ROBO1: variants seen among roughly 807,000 people sequenced by gnomAD.
The protein encoded by ROBO1 is roundabout guidance receptor 1.
A neutral mutation model predicts 195.9 loss-of-function variants in ROBO1; 149 were observed. The observed-to-expected ratio is 0.76, with a 90% CI of 0.67 to 0.87. The LOEUF is 0.87. Among genes scored for constraint, ROBO1 ranks in the 40% least tolerant of loss-of-function variants. ROBO1 has a pLI of 0.00. For synonymous variants in ROBO1, 816 were observed against 733.2 expected, an observed-to-expected ratio of 1.11 and a Z score of -1.82; for missense variants, 1,933 against 2,068.3, an observed-to-expected ratio of 0.93 and a Z score of 1.27.
chr3:79,284,075 T>C (rs1184482319), intron 2 of ROBO1, among the ~76,000 whole-genome samples: 1 of 152,026 alleles, frequency 6.6e-6, no homozygotes, highest in Non-Finnish European at 1.5e-5. Context: ...GATAGGCCTA[T>C]ATGTATATAT....
chr3:79,295,409 T>C (rs557222909), intron 2 of ROBO1, among the ~76,000 whole-genome samples: 30 of 152,018 alleles, frequency 2.0e-4, no homozygotes, highest in African/African-American at 7.0e-4. Flanking sequence ...TGATAACACA[T>C]GGACACAGGG....
chr3:79,523,268 C>T (rs531604688), intron 2 of ROBO1, among the ~76,000 whole-genome samples: 3 of 151,784 alleles, frequency 2.0e-5, no homozygotes, highest in South Asian at 4.2e-4. Context: ...CATGCATATA[C>T]TAAGATATCT....
At chr3:78,775,781 G>C (rs2083488689) in intron 4 of ROBO1, among the ~76,000 whole-genome samples, 1 of 152,160 alleles carries the variant, frequency 6.6e-6, no homozygotes, top group Non-Finnish European at 1.5e-5. Context: ...TACTGTCTGG[G>C]AACCATTTTT....
intron 1 of ROBO1, among the ~76,000 whole-genome samples, chr3:79,696,079 A>G (rs1947439582): frequency 6.6e-6 from 1 of 151,440 alleles, no homozygotes; most frequent in African/African-American, 2.4e-5. Context: ...TTTTTTGTTC[A>G]CTAAAATGTT....
chr3:78,747,077 A>T (rs992393251), intron 4 of ROBO1, among the ~76,000 whole-genome samples, 177 bp from the exon 5 acceptor site: 7 of 152,160 alleles, frequency 4.6e-5, no homozygotes, highest in African/African-American at 1.7e-4. Context: ...AAGATATTTG[A>T]CCTTAAACAT....
chr3:78,831,222 G>A (rs1219967237), intron 4 of ROBO1, among the ~76,000 whole-genome samples: 1 of 151,912 alleles, frequency 6.6e-6, no homozygotes, highest in African/African-American at 2.4e-5. Flanking sequence ...GTAACCCTGG[G>A]TTTTAAAGCC....
chr3:79,531,175 G>A (rs1941645672), intron 2 of ROBO1, among the ~76,000 whole-genome samples: 1 of 152,020 alleles, frequency 6.6e-6, no homozygotes, highest in South Asian at 2.1e-4. Context: ...CTATTTGAGT[G>A]ATTTGTTGAT....
chr3:78,751,021 A>G (rs956548550), intron 4 of ROBO1, among the ~76,000 whole-genome samples: 2 of 152,188 alleles, frequency 1.3e-5, no homozygotes, highest in Non-Finnish European at 2.9e-5. Flanking sequence ...TTTCCAATAA[A>G]TTCACTTTAT....
chr3:79,110,750 G>C (rs544022724), intron 3 of ROBO1, among the ~76,000 whole-genome samples: 4 of 150,688 alleles, frequency 2.7e-5, no homozygotes, highest in Non-Finnish European at 5.9e-5. Context: ...AGCCTCCCAA[G>C]TAGCTAGGAC....
chr3:79,477,717 C>T (rs1022437848), intron 2 of ROBO1, among the ~76,000 whole-genome samples: 2 of 152,182 alleles, frequency 1.3e-5, no homozygotes, highest in Admixed American at 1.3e-4. Flanking sequence ...AAATGAAATA[C>T]ATAATATTAA....
At chr3:79,056,611 C>A (rs1052852915) in intron 3 of ROBO1, among the ~76,000 whole-genome samples, 3 of 152,100 alleles carry the variant, frequency 2.0e-5, no homozygotes, top group East Asian at 3.9e-4. Flanking sequence ...GGTATTCCAA[C>A]CTATGCGCTG....
intron 2 of ROBO1, among the ~76,000 whole-genome samples, chr3:79,331,397 A>T (rs1425245654): frequency 2.0e-5 from 3 of 152,242 alleles, no homozygotes; most frequent in Non-Finnish European, 2.9e-5. Flanking sequence ...ACTCTGAAAA[A>T]TAATTAAGAT....
At chr3:78,815,677 C>T (rs1287780801) in intron 4 of ROBO1, among the ~76,000 whole-genome samples, 2 of 152,054 alleles carry the variant, frequency 1.3e-5, no homozygotes, top group African/African-American at 2.4e-5. Context: ...GAGTAGATTT[C>T]ATCTCGAGGA....
Position 79,348,625 on chromosome 3 carries a change from C to T in ROBO1, c.89-223086G>A, listed in dbSNP as rs538450028. 5.3e-5 allele frequency among the ~76,000 whole-genome samples: 8 copies of T among 152,240 alleles called. No homozygotes were observed. In the South Asian group the frequency reaches 6.2e-4, roughly 12 times the overall value. ...TATTGGAGGTAATGTTTGTGCTGCA[C>T]ATTAAATAATAAATAATTTTCCCTC... is the stretch of plus-strand genomic sequence containing the variant. On this transcript the variant is annotated intron_variant, in intron 2 of 30. Transcript: ENST00000464233.
intron 2 of ROBO1, among the ~76,000 whole-genome samples, chr3:79,353,359 G>T (rs2035418760): frequency 6.6e-6 from 1 of 151,026 alleles, no homozygotes; most frequent in African/African-American, 2.4e-5. Context: ...GAATGAGAAA[G>T]AATTAACCTC....
chr3:78,655,530 C>T (rs1706951642), intron 18 of ROBO1, among the ~76,000 whole-genome samples: 1 of 152,138 alleles, frequency 6.6e-6, no homozygotes, highest in African/African-American at 2.4e-5. Flanking sequence ...ACAGAGTCCC[C>T]ACCCCACAAG....
intron 4 of ROBO1, among the ~76,000 whole-genome samples, chr3:78,793,057 G>T (rs12633926): frequency 0.25 from 37,501 of 151,214 alleles, 4,869 homozygotes; most frequent in East Asian, 0.48. Context: ...AGAGAGGGAG[G>T]TAGCAGTGAG....
intron 4 of ROBO1, among the ~76,000 whole-genome samples, chr3:78,848,708 T>G (rs551710016): frequency 6.6e-6 from 1 of 152,148 alleles, no homozygotes; most frequent in African/African-American, 2.4e-5. Context: ...TTATCAGGTT[T>G]GTAATCCTTC....
intron 3 of ROBO1, among the ~76,000 whole-genome samples, chr3:79,101,322 CA>C (rs1333917141): frequency 6.6e-6 from 1 of 151,800 alleles, no homozygotes; most frequent in Non-Finnish European, 1.5e-5. Flanking sequence ...GTGGACAGCG[CA>C]AACTCTTATT....
Sources: gnomAD v4.1 joint callset for allele counts (sites outside exome capture counted in the v4.1 genomes callset) on GRCh38, gnomAD v4.1.1 for gene constraint, MANE v1.5 for transcripts, NCBI Gene and HGNC (gene_info 2026-07-23, HGNC 2026-07-21) for gene names.